CLCN1: variants seen among roughly 807,000 people sequenced by gnomAD.
The protein encoded by CLCN1 is chloride channel protein 1.
CLCN1 carries 100 observed loss-of-function variants against 114.5 expected under a neutral mutation model. The observed-to-expected ratio is 0.87, with a 90% CI of 0.74 to 1.03. The LOEUF is 1.03. CLCN1 is among the 50% of genes least tolerant of loss of function. The pLI, the probability that CLCN1 is intolerant of heterozygous loss-of-function variation, is 0.00. For missense variants in CLCN1, 1,188 were observed against 1,250.0 expected (o/e 0.95, Z 0.75); for synonymous variants, 485 against 487.1 (o/e 1.00, Z 0.06).
At chr7:143,336,642 A>AAAGG (rs1333242407) in intron 12 of CLCN1, among the ~76,000 whole-genome samples, 8 of 102,078 alleles carry the variant, frequency 7.8e-5, no homozygotes, top group African/African-American at 2.0e-4. Flanking sequence ...GAAGAAAAAA[A>AAAGG]AAGGAAGGAA....
intron 12 of CLCN1, among the ~76,000 whole-genome samples, chr7:143,337,452 A>T (rs1360219584): frequency 6.6e-6 from 1 of 152,172 alleles, no homozygotes; most frequent in Non-Finnish European, 1.5e-5. Context: ...ATCTTCTGGG[A>T]TGAGACTTTC....
intron 7 of CLCN1, among the ~76,000 whole-genome samples, chr7:143,329,488 A>G (rs1802665518): frequency 6.6e-6 from 1 of 152,150 alleles, no homozygotes; most frequent in Non-Finnish European, 1.5e-5. Context: ...TTTGGGAGTA[A>G]CCATTAGGCC....
At chr7:143,344,789 C>T (rs1158995339) in intron 16 of CLCN1, among the ~76,000 whole-genome samples, 2 of 138,988 alleles carry the variant, frequency 1.4e-5, no homozygotes, top group African/African-American at 2.7e-5. Flanking sequence ...TCGCTCTTGT[C>T]GCCCAGGTTG....
Position 143,341,952 on chromosome 7 carries a change from G to C in CLCN1, c.1606G>C (p.Val536Leu), listed in dbSNP as rs777685454. The C allele has an allele frequency of 1.9e-6, 3 of 1,613,744 alleles. No homozygotes were observed. The highest frequency in any genetic ancestry group is 2.5e-6 in the Non-Finnish European group (3 of 1,180,018). ...AGGAGCAGCAGCGCTGACTGGTGCCGTTTCCCACACAGTCTCCACAGCTGT... is the reference window on the plus strand; with the variant it reads ...AGGAGCAGCAGCGCTGACTGGTGCCCTTTCCCACACAGTCTCCACAGCTGT... ...VIGAAALTGAVSHTVSTAVIC... is the reference protein window; with the variant it reads ...VIGAAALTGALSHTVSTAVIC... Residue 536 changes from valine to leucine, a missense_variant, in exon 15 of 23, where the codon GTT becomes CTT. By Grantham distance (32) the Val-to-Leu change is conservative (BLOSUM62 1). Coordinates refer to ENST00000343257, the MANE Select transcript of CLCN1 (RefSeq NM_000083.3).
At chr7:143,322,059 C>T (rs1290540429) in intron 5 of CLCN1, among the ~76,000 whole-genome samples, 1 of 152,244 alleles carries the variant, frequency 6.6e-6, no homozygotes, top group East Asian at 1.9e-4. Flanking sequence ...TTGGAGCAGG[C>T]TCTTAGCCTG....
In CLCN1 at chr7:143,324,581, AC is replaced by A; in HGVS notation, c.853+91del. 1.0e-6 allele frequency: 1 copy of A among 965,700 alleles called. No homozygotes were observed. Among genetic ancestry groups the A allele is most frequent in the Non-Finnish European group, 1.7e-6 (1 of 595,714 alleles). 59.8% of individuals were successfully genotyped at this position (965,700 alleles called of 1,614,324 possible). A position where few individuals can be genotyped will look rare whatever the true frequency, so the allele number is the denominator to read the frequency against. On this transcript the variant is annotated intron_variant, in intron 7 of 22. Coordinates refer to ENST00000343257, the MANE Select transcript of CLCN1 (RefSeq NM_000083.3). The surrounding 1 kb of genome is among the most constrained non-coding windows in gnomAD (Gnocchi z 4.6). Reference sequence around the variant, plus strand: ...ATCAGTATCCACAAGTGCTGGTATTACCAGGTTACTTACGAGAATAGCTGAC... The same window carrying A: ...ATCAGTATCCACAAGTGCTGGTATTACAGGTTACTTACGAGAATAGCTGAC...
chr7:143,324,318 TCA>T lies in CLCN1; in HGVS notation c.775-95_775-94del. The T allele has an allele frequency of 1.1e-6, 1 of 884,868 alleles. No individual in the cohort carries two copies. Among genetic ancestry groups the T allele is most frequent in the Non-Finnish European group, 1.9e-6 (1 of 518,932 alleles). 54.8% of individuals were successfully genotyped at this position (884,868 alleles called of 1,614,324 possible). A position where few individuals can be genotyped will look rare whatever the true frequency, so the allele number is the denominator to read the frequency against. On this transcript the variant is annotated intron_variant, in intron 6 of 22. Transcript: ENST00000343257. The surrounding 1 kb of genome is among the most constrained non-coding windows in gnomAD (Gnocchi z 4.6). ...AAGGACTCCTTTTGACTTAGGCCTC[TCA>T]TTCTGCCTTATTCCCCATCCCTGCT...
intron 2 of CLCN1, 112 bp from the exon 3 acceptor site, chr7:143,320,552 T>TG: frequency 3.3e-6 from 3 of 910,910 alleles, no homozygotes; most frequent in Non-Finnish European, 4.9e-6. Flanking sequence ...GTTAGCTGCT[T>TG]TTCTCTCTCT....
chr7:143,328,193 G>A (rs1378071125), intron 7 of CLCN1, among the ~76,000 whole-genome samples: 2 of 151,792 alleles, frequency 1.3e-5, no homozygotes, highest in Non-Finnish European at 2.9e-5. Context: ...CGAGTCTGAA[G>A]CTCAGGAACA....
intron 7 of CLCN1, among the ~76,000 whole-genome samples, chr7:143,330,094 T>C (rs1802681607): frequency 6.6e-6 from 1 of 152,204 alleles, no homozygotes; most frequent in African/African-American, 2.4e-5. Context: ...TTTTCTCTTC[T>C]TCTAGCCTCT....
intron 9 of CLCN1, 88 bp downstream of exon 9, chr7:143,331,404 C>T (rs770688890): frequency 2.0e-5 from 23 of 1,173,680 alleles, no homozygotes; most frequent in East Asian, 4.7e-5. Flanking sequence ...AAAGAAGGTG[C>T]GGTTGGCACA....
At chr7:143,345,935 T>C (rs1167789122) in intron 17 of CLCN1, among the ~76,000 whole-genome samples, 173 bp downstream of exon 17, 2 of 152,054 alleles carry the variant, frequency 1.3e-5, no homozygotes, top group Admixed American at 6.5e-5. Context: ...TCAGGTACCA[T>C]AGAGACCAGT....
At chr7:143,347,469 A>T (rs760322718) in intron 20 of CLCN1, among the ~76,000 whole-genome samples, 9 of 150,950 alleles carry the variant, frequency 6.0e-5, no homozygotes, top group Non-Finnish European at 1.3e-4. Context: ...AAAAATACAA[A>T]AATAAGCCGG....
In CLCN1 at chr7:143,331,265, G is replaced by A. The variant is rs80356703; in HGVS notation, c.1013G>A (p.Arg338Gln). 59 of 1,613,622 alleles carry A rather than the reference G, an allele frequency of 3.7e-5. No homozygotes were observed. Among genetic ancestry groups the A allele is most frequent in the Non-Finnish European group, 4.8e-5 (57 of 1,179,706 alleles). The change falls in exon 9 of 23, where the codon CGA becomes CAA. Residue 338 changes from arginine (R) to glutamine (Q), a missense_variant. Physicochemically the swap from Arg to Gln is conservative, Grantham distance 43 (BLOSUM62 1). Transcript: ENST00000343257. ...TITALFRTNF[R>Q]MDFPFDLKEL... ...ACTGCTCTGTTCAGAACCAATTTCC[G>A]AATGGATTTCCCCTTTGACCTGAAG... is the stretch of plus-strand genomic sequence containing the variant.
intron 7 of CLCN1, among the ~76,000 whole-genome samples, chr7:143,327,907 G>A (rs187972134): frequency 4.6e-5 from 7 of 152,230 alleles, no homozygotes; most frequent in Admixed American, 6.5e-5. Flanking sequence ...TACCCACCTC[G>A]GCCTCCCAAA....
Position 143,321,257 on chromosome 7 carries a change from G to A in CLCN1, c.434-108G>A. The stretch of plus-strand genomic sequence containing the variant: ...ATGAGAGCAGCACCATCTCAGAAGG[G>A]GCACACAGAAGGAGCACGGCCTGAG... On this transcript the variant is annotated intron_variant, in intron 3 of 22. Transcript: ENST00000343257. This position sits in a 1 kb window ranked among gnomAD's most constrained non-coding sequence, Gnocchi z 4.2. 3 of 1,304,146 alleles carry A rather than the reference G, an allele frequency of 2.3e-6. No homozygotes were observed. Among genetic ancestry groups the A allele is most frequent in the Non-Finnish European group, 3.2e-6 (3 of 923,518 alleles). The allele number at this position is 1,304,146 out of a possible 1,614,324, so 80.8% of individuals were successfully genotyped here.
At position 143,316,369 on chromosome 7, in the gene CLCN1, C is replaced by T. The variant is rs767366093; in HGVS notation, c.157C>T (p.Arg53Cys). The change falls in exon 1 of 23, where the codon CGC becomes TGC. Residue 53 changes from arginine (R) to cysteine (C), a missense_variant. Arg to Cys is a radical substitution (Grantham distance 180). Coordinates refer to ENST00000343257, the MANE Select transcript of CLCN1 (RefSeq NM_000083.3). ...CAGGCTCCGGAAGGATGCAGGCCCC[C>T]GCCACAACGTCCACCCCACACAGGT... is the stretch of plus-strand genomic sequence containing the variant. The part of the protein sequence containing the change: ...QHRLRKDAGP[R>C]HNVHPTQIYG... 49 of 1,613,028 alleles carry T rather than the reference C, an allele frequency of 3.0e-5. No individual in the cohort carries two copies. Among genetic ancestry groups the T allele is most frequent in the East Asian group, 4.5e-5 (2 of 44,876 alleles).
At position 143,332,717 on chromosome 7, in the gene CLCN1, C is replaced by G; in HGVS notation, c.1252-7C>G. The G allele has an allele frequency of 6.2e-7, 1 of 1,613,930 alleles. No homozygotes were observed. The highest frequency in any genetic ancestry group is 8.5e-7 in the Non-Finnish European group (1 of 1,180,028). Reference sequence around the variant, plus strand: ...GAACCCACCCTTTCTGCTTCTTCCTCTCCCAGTTGATGCCCCGCGAAGCCA... The same window carrying G: ...GAACCCACCCTTTCTGCTTCTTCCTGTCCCAGTTGATGCCCCGCGAAGCCA... On this transcript the variant is annotated splice_region_variant and splice_polypyrimidine_tract_variant and intron_variant, in intron 11 of 22. Transcript: ENST00000343257.
chr7:143,346,700 T>C (rs1255092651), intron 19 of CLCN1, 42 bp downstream of exon 19: 1 of 1,532,642 alleles, frequency 6.5e-7, no homozygotes, highest in Admixed American at 1.7e-5. Flanking sequence ...AAAGGGAGCC[T>C]GCCCTTGAAG....
Sources: allele counts gnomAD v4.1 joint callset (sites outside exome capture counted in the v4.1 genomes callset), GRCh38; gene constraint gnomAD v4.1.1; non-coding constraint Gnocchi (gnomAD v3.1); transcripts MANE v1.5; gene names NCBI Gene and HGNC (gene_info 2026-07-23, HGNC 2026-07-21).